The following SDK1 variants were observed in gnomAD, a reference collection of about 807,000 sequenced individuals.
SDK1 encodes the protein protein sidekick-1.
In SDK1, 157 loss-of-function variants were observed where a neutral mutation model predicts 245.5. That is an observed-to-expected ratio of 0.64 (90% CI 0.56 to 0.73). The LOEUF (loss-of-function observed/expected upper bound fraction) is 0.73, where lower values mean the gene tolerates loss of function less well. SDK1 is among the 30% of genes least tolerant of loss of function. The pLI is 0.00. For missense variants in SDK1, 3,583 were observed against 3,002.3 expected (o/e 1.19, Z -4.52); for synonymous variants, 1,647 against 1,278.5 (o/e 1.29, Z -6.15).
intron 32 of SDK1, among the ~76,000 whole-genome samples, chr7:4,168,253 G>A (rs2128215251): frequency 6.6e-6 from 1 of 152,366 alleles, no homozygotes; most frequent in East Asian, 1.9e-4. Context: ...ACTCCTGCCA[G>A]GAGCGGATGC....
At chr7:3,779,805 G>C (rs933601387) in intron 4 of SDK1, among the ~76,000 whole-genome samples, 22 of 152,026 alleles carry the variant, frequency 1.4e-4, no homozygotes, top group Non-Finnish European at 2.5e-4. Context: ...GGTGGCGGGC[G>C]CCTGTAGTCC....
intron 4 of SDK1, among the ~76,000 whole-genome samples, chr7:3,704,223 G>T (rs544041364): frequency 6.6e-6 from 1 of 151,846 alleles, no homozygotes; most frequent in East Asian, 1.9e-4. Flanking sequence ...ACGTTATTTT[G>T]TTCTTTTTTT....
rs540636528 is a variant in SDK1, at chr7:4,063,303, A to G, written c.2912-4535A>G. On this transcript the variant is annotated intron_variant, in intron 19 of 44. Coordinates refer to ENST00000404826, the MANE Select transcript of SDK1 (RefSeq NM_152744.4). ...AAATCAGTAGCATTTCTATAAACCA[A>G]TAATGAACTAGCTGAGAAATAAATC... Among the ~76,000 whole-genome samples the G allele has an allele frequency of 2.6e-4, 40 of 152,348 alleles. No homozygotes were observed. The South Asian group carries it at 3.5e-3, about 13-fold the overall frequency.
chr7:3,724,250 C>T (rs567700090), intron 4 of SDK1, among the ~76,000 whole-genome samples: 36 of 151,862 alleles, frequency 2.4e-4, no homozygotes, highest in Middle Eastern at 3.4e-3. Flanking sequence ...CAGGTATGAA[C>T]CACTGCGCCC....
At chr7:4,241,677 C>T in intron 42 of SDK1, 116 bp from the exon 43 acceptor site, 1 of 1,307,390 alleles carries the variant, frequency 7.6e-7, no homozygotes, top group Non-Finnish European at 1.1e-6. Context: ...ATCCTCAGCT[C>T]TGGGCTCTGC....
At chr7:3,333,323 G>C (rs1346958200) in intron 1 of SDK1, among the ~76,000 whole-genome samples, 1 of 152,184 alleles carries the variant, frequency 6.6e-6, no homozygotes, top group East Asian at 1.9e-4. Flanking sequence ...TGTTTGGAAA[G>C]TACATACAAA....
Position 3,580,968 on chromosome 7 carries a change from CAAAAAAAAAA to C in SDK1, c.299-38095_299-38086del, listed in dbSNP as rs60617574. ...TAGGTTATAGGGCAAGACTCCATCT[CAAAAAAAAAA>C]AAAAAAAAAAAAAAAACCAAAACAA... is the stretch of plus-strand genomic sequence containing the variant. On this transcript the variant is annotated intron_variant, in intron 1 of 44. Coordinates refer to ENST00000404826, the MANE Select transcript of SDK1 (RefSeq NM_152744.4). Among the ~76,000 whole-genome samples the C allele has an allele frequency of 4.2e-3, 104 of 24,894 alleles. 2 individuals are homozygous for C. The highest frequency in any genetic ancestry group is 0.011 in the African/African-American group (101 of 9,342). The allele number at this position is 24,894 out of a possible 152,430, so 16.3% of individuals were successfully genotyped here.
In SDK1 at chr7:3,315,825, TTTTG is replaced by T. The variant is rs748570373; in HGVS notation, c.298+13953_298+13956del. ...AGAGTGCATTAATGGGAACCTGGGA[TTTTG>T]TTTGTTTGTTTCCTATTTGAGGGAA... On this transcript the variant is annotated intron_variant, in intron 1 of 44. Coordinates refer to ENST00000404826, the MANE Select transcript of SDK1 (RefSeq NM_152744.4). 2.4e-4 allele frequency among the ~76,000 whole-genome samples: 36 copies of T among 152,196 alleles called. 1 individual carries two copies. Among genetic ancestry groups the T allele is most frequent in the Admixed American group, 1.4e-3 (21 of 15,274 alleles).
At chr7:4,036,005 A>C (rs1323305214) in intron 17 of SDK1, among the ~76,000 whole-genome samples, 1 of 152,242 alleles carries the variant, frequency 6.6e-6, no homozygotes, top group African/African-American at 2.4e-5. Flanking sequence ...AATCTCTTTT[A>C]AGATTTTTAG....
At chr7:3,941,126 G>A (rs545596089) in intron 5 of SDK1, among the ~76,000 whole-genome samples, 6 of 152,134 alleles carry the variant, frequency 3.9e-5, no homozygotes, top group South Asian at 2.1e-4. Flanking sequence ...CAGCTCAAGC[G>A]AGAAACCTGG....
chr7:3,672,634 ATT>A (rs1219932330), intron 4 of SDK1, among the ~76,000 whole-genome samples: 1 of 141,098 alleles, frequency 7.1e-6, no homozygotes, highest in African/African-American at 2.6e-5. Context: ...AATAATATAT[ATT>A]AAATATATAT....
chr7:3,887,381 G>A (rs1379961886), intron 5 of SDK1, among the ~76,000 whole-genome samples: 1 of 152,154 alleles, frequency 6.6e-6, no homozygotes, highest in African/African-American at 2.4e-5. Context: ...CTTGTGCCTC[G>A]AACAGGCAGG....
intron 5 of SDK1, among the ~76,000 whole-genome samples, chr7:3,913,438 C>G (rs889931974): frequency 6.6e-6 from 1 of 151,832 alleles, no homozygotes; most frequent in African/African-American, 2.4e-5. Context: ...GGACTACAGG[C>G]GCTCGCCACA....
At chr7:3,662,817 A>G (rs1287705541) in intron 4 of SDK1, among the ~76,000 whole-genome samples, 1 of 152,230 alleles carries the variant, frequency 6.6e-6, no homozygotes, top group Non-Finnish European at 1.5e-5. Context: ...GCTCAAAGGA[A>G]GTGCTCATTG....
chr7:3,341,179 G>C, intron 1 of SDK1, among the ~76,000 whole-genome samples: 1 of 152,162 alleles, frequency 6.6e-6, no homozygotes, highest in East Asian at 1.9e-4. Context: ...ATGACCAAAT[G>C]AGATTTATGC....
chr7:3,917,114 A>T (rs1015794889), intron 5 of SDK1, among the ~76,000 whole-genome samples: 5 of 152,252 alleles, frequency 3.3e-5, no homozygotes, highest in Non-Finnish European at 7.3e-5. Context: ...AAATAGTATA[A>T]AACATACAAA....
chr7:3,556,013 T>G lies in SDK1; in HGVS notation c.299-63067T>G, dbSNP rs533245842. On this transcript the variant is annotated intron_variant, in intron 1 of 44. Coordinates refer to ENST00000404826, the MANE Select transcript of SDK1 (RefSeq NM_152744.4). ...CACCATGGAGAGCAGTTTGGAGGTT[T>G]CTCAAAAAAGTAAAAATAGAGCTAC... Among the ~76,000 whole-genome samples the G allele has an allele frequency of 1.6e-4, 25 of 152,190 alleles. 2 individuals are homozygous for G. The South Asian group carries it at 5.2e-3, about 32-fold the overall frequency.
intron 1 of SDK1, among the ~76,000 whole-genome samples, chr7:3,503,960 A>G (rs1248314868): frequency 2.0e-5 from 3 of 151,750 alleles, no homozygotes; most frequent in Non-Finnish European, 2.9e-5. Flanking sequence ...GACCAACTTG[A>G]CCAACATGGT....
At chr7:3,982,595 C>G (rs1783497787) in intron 13 of SDK1, among the ~76,000 whole-genome samples, 1 of 152,052 alleles carries the variant, frequency 6.6e-6, no homozygotes, top group African/African-American at 2.4e-5. Context: ...AATCCCAACA[C>G]TTTGGGAGGC....
Sources: allele counts gnomAD v4.1 joint callset (sites outside exome capture counted in the v4.1 genomes callset), GRCh38; gene constraint gnomAD v4.1.1; transcripts MANE v1.5; gene names NCBI Gene and HGNC (gene_info 2026-07-23, HGNC 2026-07-21).